The following SHROOM3 variants were observed in gnomAD, a reference collection of about 807,000 sequenced individuals.
The protein encoded by SHROOM3 is protein Shroom3.
A neutral mutation model predicts 138.6 loss-of-function variants in SHROOM3; 47 were observed. That is an observed-to-expected ratio of 0.34 (90% CI 0.27 to 0.43). The LOEUF is 0.43. Ranked by LOEUF, SHROOM3 falls within the 20% of genes least tolerant of loss-of-function variation. The pLI is 1.00. For missense variants in SHROOM3, 2,491 were observed against 2,596.5 expected, an observed-to-expected ratio of 0.96 and a Z score of 0.88; for synonymous variants, 1,062 against 1,063.3, an observed-to-expected ratio of 1.00 and a Z score of 0.02.
chr4:76,651,921 C>A (rs749243410), intron 2 of SHROOM3, among the ~76,000 whole-genome samples: 13 of 152,120 alleles, frequency 8.5e-5, no homozygotes, highest in South Asian at 2.1e-4. Flanking sequence ...CTTCAGCCTG[C>A]CATGGTTTTA....
intron 9 of SHROOM3, among the ~76,000 whole-genome samples, chr4:76,763,775 G>A (rs1222821701): frequency 1.3e-5 from 2 of 152,188 alleles, no homozygotes; most frequent in Non-Finnish European, 2.9e-5. Flanking sequence ...TTATAAATGT[G>A]TAATTGAATT....
At chr4:76,501,724 A>G (rs1732100005) in intron 1 of SHROOM3, among the ~76,000 whole-genome samples, 1 of 152,148 alleles carries the variant, frequency 6.6e-6, no homozygotes, top group African/African-American at 2.4e-5. Flanking sequence ...CCTCCATAAA[A>G]ATTCCTAAAC....
At chr4:76,612,318 C>T (rs890954904) in intron 2 of SHROOM3, among the ~76,000 whole-genome samples, 4 of 151,934 alleles carry the variant, frequency 2.6e-5, no homozygotes, top group South Asian at 2.1e-4. Flanking sequence ...TTTGTTTAGC[C>T]AAAAAAGATA....
chr4:76,560,166 AT>A (rs1181044110), intron 2 of SHROOM3, among the ~76,000 whole-genome samples: 2 of 152,204 alleles, frequency 1.3e-5, no homozygotes, highest in African/African-American at 4.8e-5. Context: ...CAGAGACTTT[AT>A]CTGGTAGATA....
Position 76,739,321 on chromosome 4 carries a change from C to G in SHROOM3, c.1148C>G (p.Pro383Arg). 1 of 1,613,900 alleles carries G rather than the reference C, an allele frequency of 6.2e-7. No homozygotes were observed. The highest frequency in any genetic ancestry group is 8.5e-7 in the Non-Finnish European group (1 of 1,179,902). The part of the protein sequence containing the change: ...TDNLPPKVGA[P>R]LPPARSDSYA... ...AACCTTCCTCCTAAGGTGGGTGCAC[C>G]CCTGCCTCCAGCTCGGAGTGACAGT... The change falls in exon 5 of 11, where the codon CCC (proline) becomes CGC (arginine). Residue 383 changes from proline (P) to arginine (R), a missense_variant. By Grantham distance (103) the Pro-to-Arg change is moderately radical. Coordinates refer to ENST00000296043, the MANE Select transcript of SHROOM3 (RefSeq NM_020859.4).
At chr4:76,693,367 T>TTCG (rs1560593239) in intron 2 of SHROOM3, among the ~76,000 whole-genome samples, 1 of 124,288 alleles carries the variant, frequency 8.0e-6, no homozygotes, top group Non-Finnish European at 1.6e-5. Context: ...TTTTGATAAG[T>TTCG]TTGTTTTTTT....
chr4:76,455,863 TG>T (rs1455702457), intron 1 of SHROOM3, among the ~76,000 whole-genome samples: 2 of 152,194 alleles, frequency 1.3e-5, no homozygotes, highest in Non-Finnish European at 2.9e-5. Flanking sequence ...CCCCAGCAAC[TG>T]TAGTTGTCCC....
At chr4:76,727,222 A>G (rs1720733590) in intron 3 of SHROOM3, among the ~76,000 whole-genome samples, 1 of 152,168 alleles carries the variant, frequency 6.6e-6, no homozygotes, top group Non-Finnish European at 1.5e-5. Flanking sequence ...ATCTCATGCA[A>G]AAGAGACTTT....
chr4:76,596,581 AACACACACACACACACACACAC>A (rs58214296), intron 2 of SHROOM3, among the ~76,000 whole-genome samples: 2 of 138,134 alleles, frequency 1.4e-5, no homozygotes, highest in African/African-American at 5.4e-5. Context: ...GGTACAGAGA[AACACACACACACACACACACAC>A]ACACACACAC....
intron 2 of SHROOM3, among the ~76,000 whole-genome samples, chr4:76,598,999 G>T (rs1734447674): frequency 6.6e-6 from 1 of 152,068 alleles, no homozygotes; most frequent in South Asian, 2.1e-4. Flanking sequence ...GGAAGGAAAG[G>T]AAGTGGTGCA....
At chr4:76,668,568 C>T (rs1025110906) in intron 2 of SHROOM3, among the ~76,000 whole-genome samples, 8 of 151,672 alleles carry the variant, frequency 5.3e-5, no homozygotes, top group Non-Finnish European at 1.0e-4. Context: ...AGCAAAACTC[C>T]GCCTCAAAAC....
chr4:76,450,727 G>A (rs569080698), intron 1 of SHROOM3, among the ~76,000 whole-genome samples: 1 of 152,308 alleles, frequency 6.6e-6, no homozygotes, highest in East Asian at 1.9e-4. Flanking sequence ...AATAGAGAGT[G>A]ACTATAAATG....
At chr4:76,535,543 A>G (rs889565563) in intron 1 of SHROOM3, among the ~76,000 whole-genome samples, 5 of 152,236 alleles carry the variant, frequency 3.3e-5, no homozygotes, top group African/African-American at 1.2e-4. Context: ...GGGCTGCTGC[A>G]TAATATCCTG....
intron 2 of SHROOM3, among the ~76,000 whole-genome samples, chr4:76,599,375 C>T (rs1051900593): frequency 6.6e-6 from 1 of 152,134 alleles, no homozygotes; most frequent in Non-Finnish European, 1.5e-5. Flanking sequence ...TGATCCCATT[C>T]AAGCACAGCA....
intron 9 of SHROOM3, among the ~76,000 whole-genome samples, chr4:76,769,881 A>G (rs56116332): frequency 0.022 from 3,274 of 152,204 alleles, 137 homozygotes; most frequent in African/African-American, 0.074. Flanking sequence ...TTAATATTCA[A>G]CTCAGCTCTA....
intron 2 of SHROOM3, among the ~76,000 whole-genome samples, chr4:76,700,160 T>C (rs1486036383): frequency 1.3e-5 from 2 of 152,188 alleles, no homozygotes; most frequent in Admixed American, 6.5e-5. Context: ...TATGACATCA[T>C]AGTTAAGAGC....
At chr4:76,503,524 G>T (rs999318277) in intron 1 of SHROOM3, among the ~76,000 whole-genome samples, 1 of 152,088 alleles carries the variant, frequency 6.6e-6, no homozygotes, top group Non-Finnish European at 1.5e-5. Flanking sequence ...TGCCTCCCAG[G>T]TTCAAACAAT....
chr4:76,608,569 GCATAGCATA>G (rs1734675632), intron 2 of SHROOM3, among the ~76,000 whole-genome samples: 1 of 149,686 alleles, frequency 6.7e-6, no homozygotes, highest in Non-Finnish European at 1.5e-5. Flanking sequence ...GCATAGCATA[GCATAGCATA>G]GCATAGCATA....
At chr4:76,528,534 ATCTT>A (rs1470705209) in intron 1 of SHROOM3, among the ~76,000 whole-genome samples, 1 of 65,912 alleles carries the variant, frequency 1.5e-5, no homozygotes, top group Non-Finnish European at 2.6e-5. Flanking sequence ...TCTCTCCTTT[ATCTT>A]TCTTTCTTTC....
Sources: gnomAD v4.1 joint callset for allele counts (sites outside exome capture counted in the v4.1 genomes callset) on GRCh38, gnomAD v4.1.1 for gene constraint, MANE v1.5 for transcripts, NCBI Gene and HGNC (gene_info 2026-07-23, HGNC 2026-07-21) for gene names.